GABBR2: variants seen among roughly 807,000 people sequenced by gnomAD.
GABBR2 encodes the protein gamma-aminobutyric acid type B receptor subunit 2.
In GABBR2, 23 loss-of-function variants were observed where a neutral mutation model predicts 105.6. The ratio of observed to expected loss-of-function variants is 0.22; its 90% CI spans 0.16 to 0.31. The LOEUF (loss-of-function observed/expected upper bound fraction) is 0.31. GABBR2 is among the 10% of genes least tolerant of loss of function. The pLI, the probability that GABBR2 is intolerant of heterozygous loss-of-function variation, is 1.00. For synonymous variants in GABBR2, 478 were observed against 499.7 expected (o/e 0.96, Z 0.58); for missense variants, 734 against 1,245.5 (o/e 0.59, Z 6.18).
At chr9:98,619,361 A>G (rs1046337221) in intron 1 of GABBR2, among the ~76,000 whole-genome samples, 5 of 152,190 alleles carry the variant, frequency 3.3e-5, no homozygotes, top group African/African-American at 9.7e-5. Context: ...AGAAGGGATA[A>G]TTAAACATAA....
intron 1 of GABBR2, among the ~76,000 whole-genome samples, chr9:98,670,480 G>A (rs948597432): frequency 1.1e-4 from 17 of 152,128 alleles, no homozygotes; most frequent in Non-Finnish European, 2.4e-4. Context: ...CTACCTCTAC[G>A]TATATACCCG....
At chr9:98,589,293 A>G (rs1829115956) in intron 1 of GABBR2, among the ~76,000 whole-genome samples, 3 of 152,114 alleles carry the variant, frequency 2.0e-5, no homozygotes, top group African/African-American at 7.2e-5. Context: ...ATCTCTCTTC[A>G]TATCCTTTCA....
intron 7 of GABBR2, among the ~76,000 whole-genome samples, chr9:98,441,946 T>C (rs1400411442): frequency 6.6e-6 from 1 of 152,224 alleles, no homozygotes; most frequent in Non-Finnish European, 1.5e-5. Flanking sequence ...GGATCACATC[T>C]GAATGTGAAG....
chr9:98,502,598 C>T (rs1827426220), intron 3 of GABBR2, among the ~76,000 whole-genome samples: 1 of 152,208 alleles, frequency 6.6e-6, no homozygotes, highest in South Asian at 2.1e-4. Flanking sequence ...CCCTGCTACC[C>T]ACAGGTAGGG....
At chr9:98,505,014 G>A (rs542129330) in intron 3 of GABBR2, among the ~76,000 whole-genome samples, 3 of 152,246 alleles carry the variant, frequency 2.0e-5, no homozygotes, top group Admixed American at 6.5e-5. Flanking sequence ...CAGGTTCTGC[G>A]CACCCCCGTG....
intron 5 of GABBR2, among the ~76,000 whole-genome samples, chr9:98,480,314 T>G (rs563201594): frequency 6.6e-6 from 1 of 152,214 alleles, no homozygotes; most frequent in Non-Finnish European, 1.5e-5. Context: ...GAAAACCTTT[T>G]TTTTTTAGAG....
At chr9:98,425,640 C>G (rs1293747122) in intron 7 of GABBR2, among the ~76,000 whole-genome samples, 5 of 152,200 alleles carry the variant, frequency 3.3e-5, no homozygotes, top group Non-Finnish European at 5.9e-5. Flanking sequence ...GGGCCACAGG[C>G]CTGGTGGATA....
intron 7 of GABBR2, among the ~76,000 whole-genome samples, chr9:98,424,252 G>T (rs1449256129): frequency 2.6e-5 from 4 of 152,150 alleles, no homozygotes; most frequent in African/African-American, 9.7e-5. Flanking sequence ...CTCAATAGAT[G>T]CAGAAAAGGC....
At chr9:98,314,713 C>T (rs1830687545) in intron 13 of GABBR2, among the ~76,000 whole-genome samples, 1 of 152,174 alleles carries the variant, frequency 6.6e-6, no homozygotes. Context: ...AGAATAATTC[C>T]AAGCTCTCTC....
chr9:98,410,319 C>T (rs1051654627), intron 7 of GABBR2, among the ~76,000 whole-genome samples: 7 of 151,860 alleles, frequency 4.6e-5, no homozygotes, highest in African/African-American at 1.5e-4. Context: ...TAACTCTGGC[C>T]GGGGTGGGGG....
intron 3 of GABBR2, among the ~76,000 whole-genome samples, chr9:98,512,529 C>G (rs1247585807): frequency 6.6e-6 from 1 of 152,192 alleles, no homozygotes; most frequent in African/African-American, 2.4e-5. Flanking sequence ...AGCCCAAAAT[C>G]TCAAGCTGAT....
chr9:98,334,574 C>T (rs1831082311), intron 13 of GABBR2, among the ~76,000 whole-genome samples: 3 of 131,702 alleles, frequency 2.3e-5, no homozygotes, highest in Non-Finnish European at 4.6e-5. Flanking sequence ...TACGTGTTTG[C>T]TTACTATTGG....
intron 16 of GABBR2, among the ~76,000 whole-genome samples, chr9:98,302,380 A>G (rs570549180): frequency 6.6e-6 from 1 of 152,310 alleles, no homozygotes; most frequent in African/African-American, 2.4e-5. Context: ...AACACCCTGG[A>G]GAGTGGGGAA....
In GABBR2 at chr9:98,306,258, T is replaced by C; in HGVS notation, c.2092A>G (p.Asn698Asp). Reference protein sequence around the residue: ...DSKYIGMSVYNVGIMCIIGAA... With the variant: ...DSKYIGMSVYDVGIMCIIGAA... ...CCGATGATGCACATGATCCCCACGT[T>C]GTAGACACTCATCCCGATGTACTTG... The change falls in exon 15 of 19, where the codon AAC (asparagine) becomes GAC (aspartate). Residue 698 changes from asparagine (N) to aspartate (D), a missense_variant. Physicochemically the swap from Asn to Asp is conservative, Grantham distance 23 (BLOSUM62 1). Coordinates refer to ENST00000259455, the MANE Select transcript of GABBR2 (RefSeq NM_005458.8). This position sits in a 1 kb window ranked among gnomAD's most constrained non-coding sequence, Gnocchi z 5.4. The C allele has an allele frequency of 6.2e-7, 1 of 1,614,082 alleles. No individual in the cohort carries two copies. The highest frequency in any genetic ancestry group is 8.5e-7 in the Non-Finnish European group (1 of 1,179,942).
intron 3 of GABBR2, among the ~76,000 whole-genome samples, chr9:98,508,068 T>A (rs930972625): frequency 7.9e-5 from 12 of 152,170 alleles, no homozygotes; most frequent in African/African-American, 2.9e-4. Flanking sequence ...ATTGCTTTAA[T>A]TGTTCCAGAC....
chr9:98,509,340 G>A (rs1432367210), intron 3 of GABBR2, among the ~76,000 whole-genome samples: 1 of 152,120 alleles, frequency 6.6e-6, no homozygotes, highest in Non-Finnish European at 1.5e-5. Flanking sequence ...CAGAAAAACT[G>A]GAAACTCTAA....
intron 7 of GABBR2, among the ~76,000 whole-genome samples, chr9:98,420,454 T>C (rs879927677): frequency 2.0e-5 from 3 of 147,002 alleles, no homozygotes; most frequent in Non-Finnish European, 4.5e-5. Flanking sequence ...GCTGGGTTCA[T>C]GCAAAGAGTG....
At chr9:98,640,029 G>A (rs1478306707) in intron 1 of GABBR2, among the ~76,000 whole-genome samples, 1 of 151,628 alleles carries the variant, frequency 6.6e-6, no homozygotes, top group East Asian at 1.9e-4. Flanking sequence ...GCATTTAAAA[G>A]GGATTCTTGG....
intron 13 of GABBR2, among the ~76,000 whole-genome samples, chr9:98,332,720 C>G (rs1831049436): frequency 6.6e-6 from 1 of 152,224 alleles, no homozygotes; most frequent in Admixed American, 6.5e-5. Flanking sequence ...AATCTCTCGT[C>G]AGCTGGCTTC....
Sources: allele counts gnomAD v4.1 joint callset (sites outside exome capture counted in the v4.1 genomes callset), GRCh38; gene constraint gnomAD v4.1.1; non-coding constraint Gnocchi (gnomAD v3.1); transcripts MANE v1.5; gene names NCBI Gene and HGNC (gene_info 2026-07-23, HGNC 2026-07-21).